EPB41: variants seen among roughly 807,000 people sequenced by gnomAD.
EPB41 encodes protein 4.1.
In EPB41, 65 loss-of-function variants were observed where a neutral mutation model predicts 108.0. The ratio of observed to expected loss-of-function variants is 0.60; its 90% CI spans 0.49 to 0.74. EPB41 has a LOEUF of 0.74. EPB41 is among the 30% of genes least tolerant of loss of function. The pLI, the probability that EPB41 is intolerant of heterozygous loss-of-function variation, is 0.00. For synonymous variants in EPB41, 336 were observed against 358.9 expected, an observed-to-expected ratio of 0.94 and a Z score of 0.72; for missense variants, 875 against 1,037.0, an observed-to-expected ratio of 0.84 and a Z score of 2.15.
At chr1:28,928,115 A>T (rs1342920479) in intron 1 of EPB41, among the ~76,000 whole-genome samples, 3 of 151,936 alleles carry the variant, frequency 2.0e-5, no homozygotes, top group Non-Finnish European at 4.4e-5. Flanking sequence ...ATAAGTACAG[A>T]GTTACTATTA....
intron 16 of EPB41, among the ~76,000 whole-genome samples, chr1:29,092,157 G>T (rs890663768): frequency 4.0e-5 from 6 of 148,296 alleles, no homozygotes; most frequent in African/African-American, 1.5e-4. Flanking sequence ...GAGTGCAATG[G>T]CATGATCTTG....
rs773600748 is a variant in EPB41, at chr1:29,058,856, A to T, written c.1944+4A>T. 11 of 1,551,156 alleles carry T rather than the reference A, an allele frequency of 7.1e-6. No homozygotes were observed. Among genetic ancestry groups the T allele is most frequent in the Non-Finnish European group, 9.6e-6 (11 of 1,146,600 alleles). ...AGATCTGATAAGAATGAGGAAGGTTAGCCATTTTTCACTTTCACAAAACTA... is the reference window on the plus strand; with the variant it reads ...AGATCTGATAAGAATGAGGAAGGTTTGCCATTTTTCACTTTCACAAAACTA... On this transcript the variant is annotated splice_donor_region_variant and intron_variant, in intron 14 of 20. Coordinates refer to ENST00000343067, the MANE Select transcript of EPB41 (RefSeq NM_001376013.1).
chr1:28,998,067 C>T (rs1344071983), intron 4 of EPB41, among the ~76,000 whole-genome samples: 1 of 152,098 alleles, frequency 6.6e-6, no homozygotes, highest in Non-Finnish European at 1.5e-5. Flanking sequence ...TAGACATGGT[C>T]CCTGCCCTCT....
intron 11 of EPB41, among the ~76,000 whole-genome samples, chr1:29,048,537 G>C (rs1302525859): frequency 6.6e-6 from 1 of 151,876 alleles, no homozygotes; most frequent in African/African-American, 2.4e-5. Context: ...CTTTTATTGA[G>C]CTTTTTTAAA....
upstream of EPB41, among the ~76,000 whole-genome samples, chr1:28,914,364 C>G (rs934043348): frequency 8.5e-5 from 13 of 152,364 alleles, no homozygotes; most frequent in African/African-American, 3.1e-4. Flanking sequence ...TTTCGTTCCC[C>G]TCTCCTCTCC....
intron 6 of EPB41, among the ~76,000 whole-genome samples, chr1:29,016,239 G>T (rs549680699): frequency 6.6e-6 from 1 of 151,952 alleles, no homozygotes; most frequent in South Asian, 2.1e-4. Flanking sequence ...GCAATGGCAC[G>T]ATCCTGGCTC....
intron 1 of EPB41, among the ~76,000 whole-genome samples, chr1:28,940,488 C>T (rs998548946): frequency 6.6e-6 from 1 of 151,930 alleles, no homozygotes; most frequent in East Asian, 1.9e-4. Flanking sequence ...CCCATCTCTA[C>T]TAAAAATACA....
intron 11 of EPB41, among the ~76,000 whole-genome samples, chr1:29,048,117 G>T (rs1643853598): frequency 6.6e-6 from 1 of 151,852 alleles, no homozygotes; most frequent in South Asian, 2.1e-4. Flanking sequence ...TATTTATGGG[G>T]TACAAAGTAA....
rs759445632 is a variant in EPB41, at chr1:29,060,390, C to G, written c.1945-32C>G. The G allele has an allele frequency of 1.9e-6, 3 of 1,600,984 alleles. No individual in the cohort carries two copies. In the South Asian group the frequency reaches 3.3e-5, roughly 18 times the overall value. ...AAGAACAACATTTTAATTTTTTATG[C>G]TTTTCTGTTTTCCCCCCTTTCATTT... On this transcript the variant is annotated intron_variant, in intron 14 of 20. Coordinates refer to ENST00000343067, the MANE Select transcript of EPB41 (RefSeq NM_001376013.1).
intron 4 of EPB41, among the ~76,000 whole-genome samples, chr1:28,998,337 T>A (rs915896339): frequency 3.9e-5 from 6 of 152,044 alleles, no homozygotes; most frequent in African/African-American, 1.4e-4. Flanking sequence ...ATATGAGGAA[T>A]AGAGTAACAG....
upstream of EPB41, among the ~76,000 whole-genome samples, chr1:28,914,339 C>T (rs1557647531): frequency 6.6e-6 from 1 of 152,242 alleles, no homozygotes; most frequent in Non-Finnish European, 1.5e-5. Context: ...AGCCCCTTGC[C>T]TTTTCCTCTC....
intron 8 of EPB41, 26 bp downstream of exon 8, chr1:29,030,513 A>G (rs1037395323): frequency 1.7e-5 from 26 of 1,503,574 alleles, no homozygotes; most frequent in Non-Finnish European, 2.4e-5. Context: ...CCCTTTATTA[A>G]TATGCATGTG....
At chr1:28,959,576 A>G (rs1419535255) in intron 1 of EPB41, among the ~76,000 whole-genome samples, 1 of 152,132 alleles carries the variant, frequency 6.6e-6, no homozygotes, top group Non-Finnish European at 1.5e-5. Flanking sequence ...GATAGGATTA[A>G]ATCTTTGTTT....
At chr1:28,922,775 G>A (rs923275199) in intron 1 of EPB41, among the ~76,000 whole-genome samples, 5 of 151,940 alleles carry the variant, frequency 3.3e-5, no homozygotes, top group Non-Finnish European at 7.4e-5. Context: ...CTATAGGTGT[G>A]TGCTACCATG....
chr1:29,018,179 T>G lies in EPB41; in HGVS notation c.906-45T>G. On this transcript the variant is annotated intron_variant, in intron 6 of 20. Transcript: ENST00000343067. This position sits in a 1 kb window ranked among gnomAD's most constrained non-coding sequence, Gnocchi z 4.4. ...TTCTCCTTTTTCTCTCTTTATATTT[T>G]GTTGTTGTTGTTGCTGACATAACAT... 2 of 1,525,944 alleles carry G rather than the reference T, an allele frequency of 1.3e-6. No homozygotes were observed. The highest frequency in any genetic ancestry group is 1.8e-6 in the Non-Finnish European group (2 of 1,101,598). 94.5% of individuals were successfully genotyped at this position (1,525,944 alleles called of 1,614,324 possible).
intron 1 of EPB41, among the ~76,000 whole-genome samples, chr1:28,908,386 G>C (rs187926008): frequency 0.025 from 3,696 of 150,400 alleles, 164 homozygotes; most frequent in African/African-American, 0.085. Context: ...TGGGTTACAG[G>C]GCGAGACTCC....
At chr1:29,109,258 G>C (rs1668357075) in intron 17 of EPB41, 78 bp from the exon 18 acceptor site, 2 of 1,088,630 alleles carry the variant, frequency 1.8e-6, no homozygotes, top group Admixed American at 3.5e-5. Flanking sequence ...ATGTGCAGCT[G>C]AAGAGCAAAG....
At chr1:29,049,790 T>C (rs1025072483) in intron 11 of EPB41, among the ~76,000 whole-genome samples, 1 of 152,192 alleles carries the variant, frequency 6.6e-6, no homozygotes, top group Non-Finnish European at 1.5e-5. Context: ...GCATTTTTCT[T>C]TATGTAGACC....
intron 11 of EPB41, among the ~76,000 whole-genome samples, chr1:29,044,590 C>T (rs1160481953): frequency 6.6e-6 from 1 of 151,978 alleles, no homozygotes; most frequent in African/African-American, 2.4e-5. Context: ...ACCTGTAATC[C>T]CAGCACTTTG....
Sources: allele counts gnomAD v4.1 joint callset (sites outside exome capture counted in the v4.1 genomes callset), GRCh38; gene constraint gnomAD v4.1.1; non-coding constraint Gnocchi (gnomAD v3.1); transcripts MANE v1.5; gene names NCBI Gene and HGNC (gene_info 2026-07-23, HGNC 2026-07-21).